RHBG: variants seen among roughly 807,000 people sequenced by gnomAD.
RHBG encodes the protein ammonium transporter Rh type B.
RHBG carries 39 observed loss-of-function variants against 40.1 expected under a neutral mutation model. That is an observed-to-expected ratio of 0.97 (90% CI 0.75 to 1.27). The LOEUF is 1.27. Ranked by LOEUF, RHBG falls within the 50% of genes most tolerant of loss-of-function variation. The pLI, the probability that RHBG is intolerant of heterozygous loss-of-function variation, is 0.00. For missense variants in RHBG, 549 were observed against 588.1 expected, an observed-to-expected ratio of 0.93 and a Z score of 0.69; for synonymous variants, 237 against 252.5, an observed-to-expected ratio of 0.94 and a Z score of 0.58.
Position 156,381,930 on chromosome 1 carries a change from A to G in RHBG, c.965A>G (p.Tyr322Cys). ...GCTGGGACTGTCTCCACGCTGGGGT[A>G]CAAGTTCTTCACGGTATAGATGCCT... ...FLAGTVSTLG[Y>C]KFFTPILESK... The change falls in exon 6 of 10, where the codon TAC (tyrosine) becomes TGC (cysteine). Residue 322 changes from tyrosine to cysteine, a missense_variant. Coordinates refer to ENST00000537040, the MANE Select transcript of RHBG (RefSeq NM_020407.5). The G allele has an allele frequency of 1.2e-6, 2 of 1,611,950 alleles. No individual in the cohort carries two copies. The highest frequency in any genetic ancestry group is 1.3e-5 in the African/African-American group (1 of 74,754).
rs376424226 is a variant in RHBG, at chr1:156,381,423, G to A, written c.750G>A (p.Thr250=). ...CGCTGGGGGCTGGGCAGCATCGGAC[G>A]GCCCTCAACACATACTACTCCCTGG... is the stretch of plus-strand genomic sequence containing the variant. ...LTALGAGQHR[T]ALNTYYSLAA... The change falls in exon 5 of 10, where the codon ACG becomes ACA. Residue 250 remains threonine (T), a synonymous_variant. Coordinates refer to ENST00000537040, the MANE Select transcript of RHBG (RefSeq NM_020407.5). The A allele has an allele frequency of 2.2e-5, 36 of 1,613,984 alleles. No individual in the cohort carries two copies. The highest frequency in any genetic ancestry group is 3.0e-5 in the Non-Finnish European group (35 of 1,180,032).
At chr1:156,382,540 G>A in intron 7 of RHBG, 1 of 709,422 alleles carries the variant, frequency 1.4e-6, no homozygotes, top group Non-Finnish European at 2.4e-6. Context: ...GTGTCTGCTG[G>A]CCTACAAGGG....
chr1:156,380,599 G>A (rs540418928), intron 4 of RHBG, among the ~76,000 whole-genome samples: 3 of 151,292 alleles, frequency 2.0e-5, no homozygotes, highest in Non-Finnish European at 3.0e-5. Flanking sequence ...GGTGGTGGGC[G>A]CCTGAAGTCC....
intron 4 of RHBG, among the ~76,000 whole-genome samples, chr1:156,378,966 A>T (rs759823015): frequency 6.6e-6 from 1 of 151,038 alleles, no homozygotes; most frequent in South Asian, 2.1e-4. Context: ...GAGCCCTGTC[A>T]TCTGTCATCA....
intron 4 of RHBG, among the ~76,000 whole-genome samples, chr1:156,380,804 C>T (rs535645361): frequency 8.6e-5 from 13 of 151,418 alleles, no homozygotes; most frequent in Non-Finnish European, 1.2e-4. Flanking sequence ...CAGTGCCCTT[C>T]AATAGCTGCC....
intron 1 of RHBG, chr1:156,371,568 G>A (rs1666866758): frequency 6.4e-6 from 1 of 155,360 alleles, no homozygotes; most frequent in African/African-American, 2.4e-5. Flanking sequence ...TAGAGAGTGA[G>A]GTGGAAACTT....
intron 1 of RHBG, among the ~76,000 whole-genome samples, chr1:156,376,423 G>C (rs576444663): frequency 9.0e-4 from 136 of 151,404 alleles, no homozygotes; most frequent in Non-Finnish European, 1.5e-3. Context: ...GAGTGCAGAG[G>C]TATGATCTTG....
intron 4 of RHBG, among the ~76,000 whole-genome samples, chr1:156,379,570 T>A (rs1374818662): frequency 6.6e-6 from 1 of 152,028 alleles, no homozygotes; most frequent in African/African-American, 2.4e-5. Context: ...CTTCCCCAAG[T>A]TTTCCAGGCA....
chr1:156,378,606 T>TATGCCCTG (rs1249771178), intron 4 of RHBG, among the ~76,000 whole-genome samples: 4 of 152,266 alleles, frequency 2.6e-5, no homozygotes, highest in Admixed American at 6.5e-5. Flanking sequence ...GGGGAATGCA[T>TATGCCCTG]ATGCCCTGGG....
At position 156,377,342 on chromosome 1, in the gene RHBG, T is replaced by C; in HGVS notation, c.229T>C (p.Phe77Leu). ...VHAMVFVGFG[F>L]LMVFLQRYGF... is the part of the protein sequence containing the mutation. ...TGCCATGGTCTTCGTGGGCTTTGGCTTCCTCATGGTCTTCCTGCAGCGTTA... is the reference window on the plus strand; with the variant it reads ...TGCCATGGTCTTCGTGGGCTTTGGCCTCCTCATGGTCTTCCTGCAGCGTTA... Residue 77 changes from phenylalanine to leucine, a missense_variant, in exon 2 of 10, where the codon TTC (phenylalanine) becomes CTC (leucine). Physicochemically the swap from Phe to Leu is conservative, Grantham distance 22 (BLOSUM62 0). This residue lies in a region of RHBG where 51 missense variants were observed against 85.9 expected (regional missense o/e 0.59). Coordinates refer to ENST00000537040, the MANE Select transcript of RHBG (RefSeq NM_020407.5). The surrounding 1 kb of genome is among the most constrained non-coding windows in gnomAD (Gnocchi z 4.6). 1 of 1,614,166 alleles carries C rather than the reference T, an allele frequency of 6.2e-7. No individual in the cohort carries two copies. The highest frequency in any genetic ancestry group is 1.1e-5 in the South Asian group (1 of 91,084).
chr1:156,374,197 C>T (rs1385538924), intron 1 of RHBG, among the ~76,000 whole-genome samples: 3 of 152,070 alleles, frequency 2.0e-5, no homozygotes, highest in African/African-American at 7.2e-5. Flanking sequence ...AGATTGTGCA[C>T]TCCTTATGAG....
At chr1:156,370,106 A>G (rs1013234144) in intron 1 of RHBG, among the ~76,000 whole-genome samples, 12 of 152,100 alleles carry the variant, frequency 7.9e-5, no homozygotes, top group African/African-American at 2.9e-4. Context: ...TGAGGTCAGG[A>G]GTTCAAGGCC....
intron 1 of RHBG, among the ~76,000 whole-genome samples, chr1:156,375,559 A>T (rs11585330): frequency 0.23 from 35,547 of 151,876 alleles, 4,321 homozygotes; most frequent in East Asian, 0.34. Flanking sequence ...CTGCAATCCC[A>T]GCTACTCATG....
Position 156,382,070 on chromosome 1 carries a change from C to T in RHBG, c.981C>T (p.Pro327=). The T allele has an allele frequency of 6.2e-7, 1 of 1,610,136 alleles. No individual in the cohort carries two copies. Among genetic ancestry groups the T allele is most frequent in the Non-Finnish European group, 8.5e-7 (1 of 1,176,950 alleles). Residue 327 remains proline, a splice_region_variant and synonymous_variant, in exon 7 of 10, where the codon CCC becomes CCT. Transcript: ENST00000537040. ...TCATGATCTGTCTTGCCCTCCAGCC[C>T]ATCCTTGAATCAAAATTCAAAGTCC... ...VSTLGYKFFT[P]ILESKFKVQD... is the part of the protein sequence containing the mutation.
intron 7 of RHBG, chr1:156,382,541 C>A: frequency 1.4e-6 from 1 of 711,792 alleles, no homozygotes; most frequent in Non-Finnish European, 2.4e-6. Context: ...TGTCTGCTGG[C>A]CTACAAGGGT....
chr1:156,382,620 AC>A, intron 7 of RHBG, 127 bp from the exon 8 acceptor site: 4 of 1,157,264 alleles, frequency 3.5e-6, no homozygotes, highest in Non-Finnish European at 5.0e-6. Flanking sequence ...CCTGGCATGC[AC>A]CCTCGAGACC....
At chr1:156,384,417 T>A (rs1431748516) in intron 8 of RHBG, 110 bp from the exon 9 acceptor site, 3 of 955,594 alleles carry the variant, frequency 3.1e-6, no homozygotes, top group Non-Finnish European at 5.1e-6. Context: ...TGCACAGGCA[T>A]CATATTGGTC....
chr1:156,370,825 A>G (rs1666805329), intron 1 of RHBG, among the ~76,000 whole-genome samples: 1 of 151,914 alleles, frequency 6.6e-6, no homozygotes, highest in Non-Finnish European at 1.5e-5. Flanking sequence ...CAGGCATCCT[A>G]AACTTTTTGC....
rs1216873918 is a variant in RHBG at position 156,378,101 on chromosome 1, G to C, written c.486G>C (p.Leu162=). 1.3e-6 allele frequency: 2 copies of C among 1,591,754 alleles called. No homozygotes were observed. The highest frequency in any genetic ancestry group is 1.7e-6 in the Non-Finnish European group (2 of 1,167,110). The change falls in exon 3 of 10, where the codon CTG becomes CTC. Residue 162 remains leucine, a synonymous_variant. Coordinates refer to ENST00000537040, the MANE Select transcript of RHBG (RefSeq NM_020407.5). The part of the protein sequence containing the change: ...LLLMALLEVV[L]FGINEFVLLH... ...TCATGGCCCTGCTGGAGGTGGTGCT[G>C]TTTGGCATCAATGAGTTTGTGCTCC... is the stretch of plus-strand genomic sequence containing the variant.
Sources: allele counts gnomAD v4.1 joint callset (sites outside exome capture counted in the v4.1 genomes callset), GRCh38; gene constraint gnomAD v4.1.1; regional missense constraint gnomAD v4.1.1; non-coding constraint Gnocchi (gnomAD v3.1); transcripts MANE v1.5; gene names NCBI Gene and HGNC (gene_info 2026-07-23, HGNC 2026-07-21).